The following COBL variants were observed in gnomAD, a reference collection of about 807,000 sequenced individuals.
The protein encoded by COBL is protein cordon-bleu.
Under a neutral mutation model 98.8 loss-of-function variants are expected in COBL, and 51 were observed. The observed-to-expected ratio is 0.52, with a 90% CI of 0.41 to 0.65. The LOEUF is 0.65. Ranked by LOEUF, COBL falls within the 30% of genes least tolerant of loss-of-function variation. The pLI, the probability that COBL is intolerant of heterozygous loss-of-function variation, is 0.00. For missense variants in COBL, 1,617 were observed against 1,617.5 expected, an observed-to-expected ratio of 1.00 and a Z score of 0.01; for synonymous variants, 634 against 651.7, an observed-to-expected ratio of 0.97 and a Z score of 0.41.
chr7:51,062,395 GCC>G (rs199856002), intron 7 of COBL, among the ~76,000 whole-genome samples: 2 of 123,952 alleles, frequency 1.6e-5, no homozygotes, highest in South Asian at 4.9e-4. Flanking sequence ...CTCTGGGTCA[GCC>G]CCTGAGTCAC....
intron 5 of COBL, among the ~76,000 whole-genome samples, chr7:51,152,442 C>T (rs374843498): frequency 1.5e-4 from 23 of 152,038 alleles, no homozygotes; most frequent in African/African-American, 5.6e-4. Context: ...CCCAAGCTGC[C>T]GACTCCCACA....
At chr7:51,053,928 C>T (rs758191623) in intron 7 of COBL, among the ~76,000 whole-genome samples, 2 of 152,272 alleles carry the variant, frequency 1.3e-5, no homozygotes, top group African/African-American at 2.4e-5. Context: ...CGCCTGTAAT[C>T]CCAGCACTTT....
At chr7:51,237,577 G>A (rs367702789) in intron 1 of COBL, among the ~76,000 whole-genome samples, 5 of 148,906 alleles carry the variant, frequency 3.4e-5, no homozygotes, top group African/African-American at 1.2e-4. Flanking sequence ...AGGAGAGGGT[G>A]TAGTAATACA....
At chr7:51,288,952 C>T (rs1800639444) in intron 1 of COBL, among the ~76,000 whole-genome samples, 2 of 152,066 alleles carry the variant, frequency 1.3e-5, no homozygotes, top group East Asian at 1.9e-4. Flanking sequence ...AGGGTTAAAA[C>T]TGTAAAGAAC....
At chr7:51,311,431 AGAG>A (rs1803030478) in intron 1 of COBL, among the ~76,000 whole-genome samples, 1 of 152,252 alleles carries the variant, frequency 6.6e-6, no homozygotes, top group South Asian at 2.1e-4. Context: ...TTGTCGCACC[AGAG>A]GAGACAGCAA....
In COBL at chr7:51,151,776, T is replaced by C. The variant is rs141932865; in HGVS notation, c.784-15445A>G. On this transcript the variant is annotated intron_variant, in intron 5 of 12. Transcript: ENST00000265136. ...AGGAATATTTCCCAGCTTCCTTGGT[T>C]AGGACAGAGCTTTGAATCATTTCTT... Among the ~76,000 whole-genome samples the C allele has an allele frequency of 3.7e-4, 56 of 152,346 alleles. 1 individual carries two copies. In the East Asian group the frequency reaches 9.5e-3, roughly 26 times the overall value.
intron 1 of COBL, chr7:51,316,338 C>A: frequency 3.3e-6 from 1 of 306,098 alleles, no homozygotes; most frequent in Non-Finnish European, 6.0e-6. Context: ...CAAACCACCC[C>A]GCGCGAAAAG....
intron 1 of COBL, among the ~76,000 whole-genome samples, chr7:51,295,004 G>C (rs116919129): frequency 4.0e-5 from 6 of 151,852 alleles, no homozygotes; most frequent in Non-Finnish European, 1.5e-5. Flanking sequence ...CCTAAATGAC[G>C]GGCCGGGCAC....
chr7:51,022,025 G>A (rs1371196087), intron 12 of COBL, among the ~76,000 whole-genome samples: 1 of 152,076 alleles, frequency 6.6e-6, no homozygotes, highest in African/African-American at 2.4e-5. Flanking sequence ...CCCAATTCCT[G>A]CCCTCCTAGG....
intron 1 of COBL, among the ~76,000 whole-genome samples, chr7:51,282,783 C>G (rs566212102): frequency 1.3e-5 from 2 of 151,820 alleles, no homozygotes; most frequent in South Asian, 4.2e-4. Flanking sequence ...CCAAGATAGA[C>G]AATCTCCTGG....
rs1445991819 is a variant in COBL, at chr7:51,280,459, G to A, written c.41+36134C>T. On this transcript the variant is annotated intron_variant, in intron 1 of 12. Coordinates refer to ENST00000265136, the MANE Select transcript of COBL (RefSeq NM_015198.5). The stretch of plus-strand genomic sequence containing the variant: ...ACAAAAAGAGGAAAACTCTTCTCTC[G>A]GATCAGAGGAGCTGTGGTCCCAAGA... Among the ~76,000 whole-genome samples the A allele has an allele frequency of 4.6e-5, 7 of 152,298 alleles. No homozygotes were observed. The South Asian group carries it at 6.2e-4, about 14-fold the overall frequency.
chr7:51,065,490 C>T (rs957681732), intron 7 of COBL: 3 of 671,818 alleles, frequency 4.5e-6, no homozygotes, highest in South Asian at 3.2e-5. Context: ...GGGCAGAGGC[C>T]GAATGCACGC....
chr7:51,219,338 T>C (rs1052450584), intron 2 of COBL, among the ~76,000 whole-genome samples: 5 of 152,202 alleles, frequency 3.3e-5, no homozygotes, highest in African/African-American at 1.2e-4. Flanking sequence ...CAAGTAGGTG[T>C]GGGAATGGTT....
At chr7:51,119,347 A>G (rs1797549990) in intron 6 of COBL, among the ~76,000 whole-genome samples, 1 of 152,216 alleles carries the variant, frequency 6.6e-6, no homozygotes, top group Non-Finnish European at 1.5e-5. Flanking sequence ...TTGGTTTTGT[A>G]AGTAACAGCT....
intron 1 of COBL, among the ~76,000 whole-genome samples, chr7:51,277,048 C>A (rs1443235724): frequency 1.3e-5 from 2 of 152,166 alleles, no homozygotes; most frequent in Non-Finnish European, 2.9e-5. Context: ...TCCACTGAGG[C>A]CCCATCATCA....
At chr7:51,153,843 T>C (rs1456716099) in intron 5 of COBL, among the ~76,000 whole-genome samples, 1 of 152,138 alleles carries the variant, frequency 6.6e-6, no homozygotes, top group African/African-American at 2.4e-5. Flanking sequence ...CCAGCTAACG[T>C]TTTTATTTCC....
chr7:51,041,478 C>CTTTTTTTTTTTTTTTTTTTTTTTTTTTTT (rs773830122), intron 8 of COBL, among the ~76,000 whole-genome samples: 1 of 80,024 alleles, frequency 1.2e-5, no homozygotes, highest in Non-Finnish European at 2.2e-5. Context: ...TATTTCTTTC[C>CTTTTTTTTTTTTTTTTTTTTTTTTTTTTT]TTTTTTTTTT....
chr7:51,183,977 C>T (rs888755807), intron 5 of COBL, 125 bp downstream of exon 5: 7 of 498,712 alleles, frequency 1.4e-5, no homozygotes, highest in Non-Finnish European at 2.1e-5. Context: ...CTCTCTTTTA[C>T]CTGAAGGAAT....
intron 7 of COBL, among the ~76,000 whole-genome samples, chr7:51,076,803 A>G (rs529864371): frequency 1.4e-4 from 21 of 152,274 alleles, no homozygotes; most frequent in African/African-American, 4.6e-4. Flanking sequence ...TGCCCAAGGA[A>G]AGATTTATTT....
Sources: gnomAD v4.1 joint callset for allele counts (sites outside exome capture counted in the v4.1 genomes callset) on GRCh38, gnomAD v4.1.1 for gene constraint, MANE v1.5 for transcripts, NCBI Gene and HGNC (gene_info 2026-07-23, HGNC 2026-07-21) for gene names.